ADSL: variants seen among roughly 807,000 people sequenced by gnomAD.
ADSL encodes the protein adenylosuccinate lyase, also known as adenylosuccinase.
Under a neutral mutation model 62.1 loss-of-function variants are expected in ADSL, and 44 were observed. The ratio of observed to expected loss-of-function variants is 0.71; its 90% CI spans 0.56 to 0.91. The LOEUF (loss-of-function observed/expected upper bound fraction) is 0.91. ADSL is among the 40% of genes least tolerant of loss of function. The pLI, the probability that ADSL is intolerant of heterozygous loss-of-function variation, is 0.00. For missense variants in ADSL, 531 were observed against 627.4 expected (o/e 0.85, Z 1.64); for synonymous variants, 198 against 220.5 (o/e 0.90, Z 0.90).
At chr22:40,364,772 T>C in intron 11 of ADSL, 108 bp from the exon 12 acceptor site, 1 of 1,194,912 alleles carries the variant, frequency 8.4e-7, no homozygotes, top group South Asian at 1.2e-5. Flanking sequence ...TAGAGGGGTT[T>C]TGTGTAGAGC....
chr22:40,353,777 C>T, intron 3 of ADSL: 1 of 269,322 alleles, frequency 3.7e-6, no homozygotes, highest in Non-Finnish European at 7.2e-6. Flanking sequence ...TGGCACCCGC[C>T]ACTACGCCCA....
chr22:40,356,530 G>A (rs1214497391), intron 4 of ADSL, among the ~76,000 whole-genome samples: 41 of 140,152 alleles, frequency 2.9e-4, no homozygotes, highest in African/African-American at 1.0e-3. Flanking sequence ...GTGAAATTCC[G>A]TCTCCAAAAA....
rs758241731 is a variant in ADSL, at chr22:40,364,967, A to G, written c.1279A>G (p.Ile427Val). The change falls in exon 12 of 13, where the codon ATC becomes GTC. Residue 427 changes from isoleucine to valine, a missense_variant. Physicochemically the swap from Ile to Val is conservative, Grantham distance 29. Coordinates refer to ENST00000623063, the MANE Select transcript of ADSL (RefSeq NM_000026.4). The stretch of plus-strand genomic sequence containing the variant: ...GGGTGACAATGACCTCATAGAGCGT[A>G]TCCAGGTTGATGCCTACTTCAGTCC... ...EGGDNDLIER[I>V]QVDAYFSPIH... 3.7e-5 allele frequency: 60 copies of G among 1,613,982 alleles called. No homozygotes were observed. The highest frequency in any genetic ancestry group is 4.7e-5 in the Non-Finnish European group (56 of 1,179,950).
chr22:40,358,667 T>C (rs1410408184), intron 4 of ADSL, among the ~76,000 whole-genome samples, 197 bp from the exon 5 acceptor site: 1 of 152,240 alleles, frequency 6.6e-6, no homozygotes, highest in Non-Finnish European at 1.5e-5. Flanking sequence ...CTTGACTATT[T>C]GTAAATGACA....
chr22:40,386,562 CTT>C (rs60319316), intron 2 of ADSL, among the ~76,000 whole-genome samples: 30 of 68,356 alleles, frequency 4.4e-4, no homozygotes, highest in Middle Eastern at 0.013. Context: ...AATTTTCTTA[CTT>C]TTTTTTTTTT....
intron 9 of ADSL, 121 bp downstream of exon 9, chr22:40,361,756 C>T: frequency 7.4e-7 from 1 of 1,356,404 alleles, no homozygotes; most frequent in Non-Finnish European, 1.0e-6. Context: ...ATCCCAGAGT[C>T]TAGCAGGGAG....
downstream of ADSL, among the ~76,000 whole-genome samples, chr22:40,372,112 TCCC>T (rs766386245): frequency 1.1e-5 from 1 of 95,154 alleles, no homozygotes; most frequent in Admixed American, 1.2e-4. Flanking sequence ...CTTCTCCCTG[TCCC>T]CCCCCCCTTT....
At chr22:40,369,480 T>C (rs2045127255), downstream of ADSL, 1 of 148,024 alleles carries the variant, frequency 6.8e-6, no homozygotes, top group Non-Finnish European at 1.5e-5. Flanking sequence ...ATATATATTA[T>C]ATATAATATA....
intron 10 of ADSL, among the ~76,000 whole-genome samples, chr22:40,363,276 A>G (rs2044864380): frequency 6.6e-6 from 1 of 152,196 alleles, no homozygotes; most frequent in South Asian, 2.1e-4. Flanking sequence ...AAGTATTTTA[A>G]ATTGCCTTAA....
At chr22:40,380,030 G>A (rs2047303630) in intron 2 of ADSL, among the ~76,000 whole-genome samples, 1 of 152,022 alleles carries the variant, frequency 6.6e-6, no homozygotes, top group African/African-American at 2.4e-5. Context: ...TTATTAACTG[G>A]CCTTGGGTTG....
At chr22:40,347,117 C>T (rs2044172831) in intron 1 of ADSL, among the ~76,000 whole-genome samples, 1 of 152,176 alleles carries the variant, frequency 6.6e-6, no homozygotes, top group South Asian at 2.1e-4. Flanking sequence ...GGTGTTTTTC[C>T]CACATTGCAG....
downstream of ADSL, among the ~76,000 whole-genome samples, chr22:40,373,125 G>A (rs1366767194): frequency 6.6e-6 from 1 of 152,152 alleles, no homozygotes; most frequent in Admixed American, 6.5e-5. Context: ...ACCACTTATT[G>A]GATGCCTTCT....
intron 4 of ADSL, among the ~76,000 whole-genome samples, chr22:40,358,138 G>A (rs1331917483): frequency 1.3e-5 from 2 of 152,156 alleles, no homozygotes; most frequent in African/African-American, 2.4e-5. Context: ...CACTGGACAA[G>A]GACCCTGTCT....
Position 40,346,665 on chromosome 22 carries a change from T to A in ADSL, c.107T>A (p.Phe36Tyr). ...TTCGTGTTTAGCGACAGGTATAAAT[T>A]CCGGACATGGCGGCAGCTGTGGCTG... Reference protein sequence around the residue: ...MCFVFSDRYKFRTWRQLWLWL... With the variant: ...MCFVFSDRYKYRTWRQLWLWL... The change falls in exon 1 of 13, where the codon TTC becomes TAC. Residue 36 changes from phenylalanine (F) to tyrosine (Y), a missense_variant. Transcript: ENST00000623063. The A allele has an allele frequency of 3.7e-6, 6 of 1,613,086 alleles. No homozygotes were observed. The highest frequency in any genetic ancestry group is 4.2e-6 in the Non-Finnish European group (5 of 1,179,746).
At chr22:40,370,042 G>A (rs1289021120), downstream of ADSL, among the ~76,000 whole-genome samples, 1 of 152,126 alleles carries the variant, frequency 6.6e-6, no homozygotes, top group Admixed American at 6.6e-5. Context: ...AAGGTACTCA[G>A]AAAATTTCGT....
intron 2 of ADSL, among the ~76,000 whole-genome samples, chr22:40,380,548 A>G (rs962353807): frequency 6.6e-6 from 1 of 151,786 alleles, no homozygotes; most frequent in African/African-American, 2.4e-5. Flanking sequence ...TGTATTTCTA[A>G]TAGAGATGGG....
At chr22:40,348,288 C>T (rs1338362233) in intron 1 of ADSL, 5 of 397,112 alleles carry the variant, frequency 1.3e-5, no homozygotes, top group African/African-American at 1.0e-4. Flanking sequence ...GTCATGTCTT[C>T]TGTGACTGTA....
At chr22:40,352,864 C>G (rs1213898716) in intron 2 of ADSL, among the ~76,000 whole-genome samples, 1 of 152,188 alleles carries the variant, frequency 6.6e-6, no homozygotes. Flanking sequence ...CCTTACAGAT[C>G]TCAGTAGTAC....
chr22:40,377,190 C>T (rs1423552353), intron 2 of ADSL, among the ~76,000 whole-genome samples: 2 of 152,206 alleles, frequency 1.3e-5, no homozygotes, highest in Non-Finnish European at 2.9e-5. Flanking sequence ...AACAGTTCAT[C>T]CCTGACCAAC....
Sources: gnomAD v4.1 joint callset for allele counts (sites outside exome capture counted in the v4.1 genomes callset) on GRCh38, gnomAD v4.1.1 for gene constraint, MANE v1.5 for transcripts, NCBI Gene and HGNC (gene_info 2026-07-23, HGNC 2026-07-21) for gene names.